The following EYS variants were observed in gnomAD, a reference collection of about 807,000 sequenced individuals.
EYS encodes EGF-like photoreceptor maintenance factor.
EYS carries 250 observed loss-of-function variants against 282.1 expected under a neutral mutation model. The observed-to-expected ratio is 0.89, with a 90% confidence interval of 0.80 to 0.98. EYS has a LOEUF of 0.98. EYS is among the 50% of genes least tolerant of loss of function. The probability of loss-of-function intolerance (pLI) is 0.00; values close to 1 mark genes in which losing one functional copy is unlikely to be tolerated. For missense variants in EYS, 4,016 were observed against 3,709.0 expected, an observed-to-expected ratio of 1.08 and a Z score of -2.15; for synonymous variants, 1,355 against 1,282.9, an observed-to-expected ratio of 1.06 and a Z score of -1.20.
At chr6:63,816,849 C>A (rs1329470465) in intron 36 of EYS, among the ~76,000 whole-genome samples, 2 of 152,202 alleles carry the variant, frequency 1.3e-5, no homozygotes, top group African/African-American at 2.4e-5. Flanking sequence ...TGAGTGCCAA[C>A]GTGCATCCTT....
At chr6:65,172,979 AT>A (rs747349021) in intron 12 of EYS, among the ~76,000 whole-genome samples, 16 of 128,362 alleles carry the variant, frequency 1.2e-4, no homozygotes, top group South Asian at 2.2e-4. Context: ...AAGCCTGGAA[AT>A]TTAAAAAAAA....
chr6:64,635,423 A>T (rs532399217), intron 22 of EYS, among the ~76,000 whole-genome samples: 2 of 152,150 alleles, frequency 1.3e-5, no homozygotes, highest in African/African-American at 2.4e-5. Context: ...GAATGCTTCC[A>T]GTTTTTGCCC....
chr6:65,439,777 C>T (rs1331562064), intron 5 of EYS, among the ~76,000 whole-genome samples: 1 of 152,044 alleles, frequency 6.6e-6, no homozygotes, highest in Non-Finnish European at 1.5e-5. Flanking sequence ...ATTTCAACCC[C>T]AATCATGCCC....
At chr6:65,690,212 T>A (rs1412575847) in intron 1 of EYS, among the ~76,000 whole-genome samples, 1 of 150,116 alleles carries the variant, frequency 6.7e-6, no homozygotes, top group Admixed American at 6.7e-5. Flanking sequence ...AAGATATTAA[T>A]CAGCAGTAAC....
At chr6:65,487,900 T>G (rs1765872577) in intron 5 of EYS, among the ~76,000 whole-genome samples, 1 of 152,198 alleles carries the variant, frequency 6.6e-6, no homozygotes, top group South Asian at 2.1e-4. Flanking sequence ...GGTTTAGTCT[T>G]GGGAGGGTGT....
chr6:64,908,447 G>A (rs1767896165), intron 16 of EYS, among the ~76,000 whole-genome samples: 1 of 152,076 alleles, frequency 6.6e-6, no homozygotes, highest in South Asian at 2.1e-4. Flanking sequence ...GTCACATGGG[G>A]TGGCTGCCCT....
intron 22 of EYS, among the ~76,000 whole-genome samples, chr6:64,660,508 C>T (rs1382561574): frequency 6.6e-6 from 1 of 152,110 alleles, no homozygotes; most frequent in Non-Finnish European, 1.5e-5. Context: ...AGCCCAAAAT[C>T]TCCTTAAGCT....
At chr6:63,839,671 C>T (rs1358102663) in intron 36 of EYS, among the ~76,000 whole-genome samples, 1 of 152,104 alleles carries the variant, frequency 6.6e-6, no homozygotes, top group African/African-American at 2.4e-5. Flanking sequence ...AGTAGTGCTC[C>T]AGTAAACACG....
intron 33 of EYS, among the ~76,000 whole-genome samples, chr6:64,024,781 C>T (rs977380257): frequency 3.9e-5 from 6 of 152,086 alleles, no homozygotes; most frequent in African/African-American, 9.7e-5. Context: ...CCTGCGCCAG[C>T]GAGATCACGA....
chr6:64,448,406 C>A (rs148534238), intron 26 of EYS, among the ~76,000 whole-genome samples: 7,421 of 152,308 alleles, frequency 0.049, 280 homozygotes, highest in Non-Finnish European at 0.078. Flanking sequence ...GGCCTGCCTG[C>A]CTCTGTAGGC....
chr6:63,841,717 A>G (rs979792658), intron 36 of EYS, among the ~76,000 whole-genome samples: 2 of 152,008 alleles, frequency 1.3e-5, no homozygotes, highest in African/African-American at 2.4e-5. Context: ...CCATCAACCC[A>G]TCATCTATAT....
At chr6:63,850,137 A>T (rs1436971888) in intron 36 of EYS, among the ~76,000 whole-genome samples, 1 of 152,202 alleles carries the variant, frequency 6.6e-6, no homozygotes, top group African/African-American at 2.4e-5. Flanking sequence ...AAAAAGAATG[A>T]AAAGGAACAA....
At chr6:64,573,905 A>G (rs1765801497) in intron 26 of EYS, among the ~76,000 whole-genome samples, 1 of 152,176 alleles carries the variant, frequency 6.6e-6, no homozygotes, top group South Asian at 2.1e-4. Context: ...ATACCATTTG[A>G]CCCAGCAATT....
rs114816163 is a variant in EYS, at chr6:64,729,801, G to A, written c.3443+83577C>T. ...TGGATACAAACGACTGATACACCAAGGAATAAAAGCATTTCATCAATACAC... is the reference window on the plus strand; with the variant it reads ...TGGATACAAACGACTGATACACCAAAGAATAAAAGCATTTCATCAATACAC... On this transcript the variant is annotated intron_variant, in intron 22 of 42. Coordinates refer to ENST00000503581, the MANE Select transcript of EYS (RefSeq NM_001142800.2). 4.9e-3 allele frequency among the ~76,000 whole-genome samples: 742 copies of A among 151,994 alleles called. 4 individuals are homozygous for A. The highest frequency in any genetic ancestry group is 0.017 in the African/African-American group (705 of 41,446).
chr6:63,919,237 C>T (rs1264815776), intron 35 of EYS, among the ~76,000 whole-genome samples: 1 of 145,152 alleles, frequency 6.9e-6, no homozygotes, highest in Non-Finnish European at 1.5e-5. Context: ...GAGTAGTGGG[C>T]AACAGAAGTG....
chr6:64,362,477 G>T (rs1002145020), intron 29 of EYS, among the ~76,000 whole-genome samples: 3 of 151,704 alleles, frequency 2.0e-5, no homozygotes, highest in African/African-American at 7.3e-5. Flanking sequence ...AGAATAACCG[G>T]TATTCTGACA....
intron 7 of EYS, among the ~76,000 whole-genome samples, chr6:65,392,153 C>A (rs9717232): frequency 0.2 from 31,018 of 151,692 alleles, 3,297 homozygotes; most frequent in South Asian, 0.35. Flanking sequence ...TTCCTTACAC[C>A]TTATACAAAA....
At chr6:64,795,448 G>A (rs922767702) in intron 22 of EYS, among the ~76,000 whole-genome samples, 1 of 151,964 alleles carries the variant, frequency 6.6e-6, no homozygotes, top group African/African-American at 2.4e-5. Context: ...GTTTTTAGTA[G>A]GATTATTTTA....
At chr6:65,295,376 G>T (rs1407639568) in intron 12 of EYS, among the ~76,000 whole-genome samples, 1 of 151,894 alleles carries the variant, frequency 6.6e-6, no homozygotes, top group Non-Finnish European at 1.5e-5. Flanking sequence ...ACTGTACAGA[G>T]AATATAGTAT....
Sources: gnomAD v4.1 joint callset for allele counts (sites outside exome capture counted in the v4.1 genomes callset) on GRCh38, gnomAD v4.1.1 for gene constraint, MANE v1.5 for transcripts, NCBI Gene and HGNC (gene_info 2026-07-23, HGNC 2026-07-21) for gene names.